Variants in ANXA8 observed in about 807,000 individuals in gnomAD.
ANXA8 encodes annexin A8.
In ANXA8, 9 loss-of-function variants were observed where a neutral mutation model predicts 26.8. That is an observed-to-expected ratio of 0.34 (90% confidence interval 0.20 to 0.59). The LOEUF (loss-of-function observed/expected upper bound fraction) is 0.59, where lower values mean the gene tolerates loss of function less well. ANXA8 is among the 20% of genes least tolerant of loss of function. The pLI is 0.84. For missense variants in ANXA8, 83 were observed against 238.5 expected (o/e 0.35, Z 4.29); for synonymous variants, 39 against 94.8 (o/e 0.41, Z 3.42).
the ANXA8 span, among the ~76,000 whole-genome samples, chr10:47,693,857 AT>A: frequency 2.3e-4 from 35 of 152,056 alleles, no homozygotes; most frequent in African/African-American, 8.2e-4. Flanking sequence ...TGAAAAAAAA[AT>A]GTTTTTTTTC....
At chr10:47,743,344 A>C in the ANXA8 span, among the ~76,000 whole-genome samples, 1 of 12,134 alleles carries the variant, frequency 8.2e-5, no homozygotes, top group African/African-American at 2.1e-4. Flanking sequence ...ATATATACAT[A>C]TATATATATA....
At chr10:47,668,957 C>G in the ANXA8 span, among the ~76,000 whole-genome samples, 1 of 151,754 alleles carries the variant, frequency 6.6e-6, no homozygotes, top group Non-Finnish European at 1.5e-5. Context: ...AATTTCCTGT[C>G]TGGTGGGAGG....
chr10:47,658,148 T>C, the ANXA8 span, among the ~76,000 whole-genome samples: 5 of 151,814 alleles, frequency 3.3e-5, no homozygotes, highest in Non-Finnish European at 7.4e-5. Flanking sequence ...GGCGGGTGGA[T>C]CACGAGATCA....
the ANXA8 span, among the ~76,000 whole-genome samples, chr10:47,733,295 C>CTTTCTT: frequency 3.6e-5 from 2 of 56,252 alleles, no homozygotes; most frequent in Admixed American, 3.5e-4. Context: ...TTCTTTCTTT[C>CTTTCTT]TTTTTTTTCT....
chr10:47,771,427 ATAG>A, the ANXA8 span, among the ~76,000 whole-genome samples: 2 of 149,398 alleles, frequency 1.3e-5, no homozygotes, highest in Admixed American at 1.3e-4. Context: ...ACATTTGGAC[ATAG>A]TAGAACAAAA....
the ANXA8 span, among the ~76,000 whole-genome samples, chr10:47,693,968 G>A: frequency 2.6e-5 from 4 of 151,950 alleles, no homozygotes; most frequent in East Asian, 7.7e-4. Flanking sequence ...GACTGTAAAA[G>A]AGGGCTGGAT....
At chr10:47,574,108 TC>T in the ANXA8 span, among the ~76,000 whole-genome samples, 2 of 39,294 alleles carry the variant, frequency 5.1e-5, no homozygotes, top group Non-Finnish European at 1.1e-4. Flanking sequence ...TAGTTTAACC[TC>T]TTTTTTTTTT....
At chr10:47,559,957 G>A in the ANXA8 span, among the ~76,000 whole-genome samples, 3 of 151,482 alleles carry the variant, frequency 2.0e-5, no homozygotes, top group Non-Finnish European at 4.4e-5. Context: ...TCACTGTTTA[G>A]CAGGTTGAGC....
At chr10:47,733,297 T>TTC in the ANXA8 span, among the ~76,000 whole-genome samples, 1,729 of 69,336 alleles carry the variant, frequency 0.025, 54 homozygotes, top group East Asian at 0.08. Context: ...CTTTCTTTCT[T>TTC]TTTTTTCTTT....
chr10:47,754,947 C>CT, the ANXA8 span, among the ~76,000 whole-genome samples: 1 of 38,174 alleles, frequency 2.6e-5, no homozygotes, highest in African/African-American at 7.0e-5. Context: ...TAACCTCTTT[C>CT]TTTTTCTTTT....
At chr10:47,703,446 T>G in the ANXA8 span, among the ~76,000 whole-genome samples, 1 of 150,816 alleles carries the variant, frequency 6.6e-6, no homozygotes, top group African/African-American at 2.4e-5. Flanking sequence ...TGTGCCCCTA[T>G]GGTCCCAGCT....
the ANXA8 span, among the ~76,000 whole-genome samples, chr10:47,947,939 G>A: frequency 1.3e-5 from 2 of 150,992 alleles, no homozygotes; most frequent in African/African-American, 4.9e-5. Context: ...CAGAGCTCAT[G>A]TGGGACATGG....
the ANXA8 span, chr10:47,490,470 G>A: frequency 6.5e-6 from 1 of 152,730 alleles, no homozygotes; most frequent in Non-Finnish European, 1.5e-5. Flanking sequence ...CGAGTTCTGG[G>A]AGCCCACGCT....
At chr10:47,600,496 C>T in the ANXA8 span, among the ~76,000 whole-genome samples, 1 of 149,112 alleles carries the variant, frequency 6.7e-6, no homozygotes, top group African/African-American at 2.6e-5. Flanking sequence ...ATGTTGCATA[C>T]TGAATTCGGA....
At chr10:47,775,330 G>A in the ANXA8 span, among the ~76,000 whole-genome samples, 4 of 148,602 alleles carry the variant, frequency 2.7e-5, no homozygotes, top group African/African-American at 9.9e-5. Context: ...CCGAGATTGC[G>A]CCACTGCACT....
the ANXA8 span, among the ~76,000 whole-genome samples, chr10:47,762,375 G>C: frequency 7.6e-6 from 1 of 131,854 alleles, no homozygotes; most frequent in African/African-American, 2.8e-5. Flanking sequence ...TTAGGGTGAC[G>C]TGCGGCCGCG....
the ANXA8 span, among the ~76,000 whole-genome samples, chr10:47,648,503 C>T: frequency 6.8e-6 from 1 of 147,188 alleles, no homozygotes; most frequent in East Asian, 2.0e-4. Flanking sequence ...ACTTCTAGTT[C>T]ACACCATGTG....
the ANXA8 span, among the ~76,000 whole-genome samples, chr10:47,510,914 C>T: frequency 7.7e-6 from 1 of 130,040 alleles, no homozygotes; most frequent in Non-Finnish European, 1.6e-5. Context: ...CCAAGAATTT[C>T]TATTAATTAA....
chr10:47,943,157 T>C, the ANXA8 span, among the ~76,000 whole-genome samples: 12 of 144,802 alleles, frequency 8.3e-5, 2 homozygotes, highest in African/African-American at 3.0e-4. Context: ...GACTCAGAAG[T>C]CTGACGGTCC....
Sources: allele counts gnomAD v4.1 joint callset (sites outside exome capture counted in the v4.1 genomes callset), GRCh38; gene constraint gnomAD v4.1.1; transcripts MANE v1.5; gene names NCBI Gene and HGNC (gene_info 2026-07-23, HGNC 2026-07-21).